The following GALNT14 variants were observed in gnomAD, a reference collection of about 807,000 sequenced individuals.
GALNT14 encodes UDP-GalNAc:polypeptide N-acetylgalactosaminyltransferase 14.
GALNT14 carries 60 observed loss-of-function variants against 77.5 expected under a neutral mutation model. The ratio of observed to expected loss-of-function variants is 0.77; its 90% CI spans 0.63 to 0.96. The LOEUF (loss-of-function observed/expected upper bound fraction) is 0.96, where lower values mean the gene tolerates loss of function less well. Among genes scored for constraint, GALNT14 ranks in the 40% least tolerant of loss-of-function variants. The pLI, the probability that GALNT14 is intolerant of heterozygous loss-of-function variation, is 0.00. For synonymous variants in GALNT14, 280 were observed against 281.7 expected (o/e 0.99, Z 0.06); for missense variants, 710 against 731.0 (o/e 0.97, Z 0.33).
chr2:30,980,855 G>A (rs1394452844), intron 2 of GALNT14, among the ~76,000 whole-genome samples: 2 of 152,242 alleles, frequency 1.3e-5, no homozygotes, highest in Non-Finnish European at 2.9e-5. Flanking sequence ...GCCAAGGCAG[G>A]TGGATCACCT....
At chr2:31,029,086 G>A (rs879533635) in intron 1 of GALNT14, among the ~76,000 whole-genome samples, 11 of 152,112 alleles carry the variant, frequency 7.2e-5, no homozygotes, top group East Asian at 1.9e-4. Context: ...GAACTCTAAC[G>A]CGTGCAGAGG....
chr2:31,083,012 A>C (rs1676232104), intron 1 of GALNT14, among the ~76,000 whole-genome samples: 1 of 152,170 alleles, frequency 6.6e-6, no homozygotes, highest in Admixed American at 6.5e-5. Context: ...GTATGACTCC[A>C]TCTCAAAAAA....
At chr2:31,049,381 G>A (rs917947960) in intron 1 of GALNT14, among the ~76,000 whole-genome samples, 3 of 152,316 alleles carry the variant, frequency 2.0e-5, no homozygotes, top group Non-Finnish European at 4.4e-5. Flanking sequence ...CCAGTGTTCA[G>A]GGCTCCTGAA....
chr2:31,081,405 C>T (rs533498595), intron 1 of GALNT14, among the ~76,000 whole-genome samples: 1 of 152,310 alleles, frequency 6.6e-6, no homozygotes, highest in East Asian at 1.9e-4. Flanking sequence ...AGTTGAAAAG[C>T]TTACCTTTCT....
At chr2:31,043,297 T>G (rs1419911410) in intron 1 of GALNT14, among the ~76,000 whole-genome samples, 1 of 152,252 alleles carries the variant, frequency 6.6e-6, no homozygotes, top group African/African-American at 2.4e-5. Context: ...TTTTTCTTTC[T>G]TACTTAGCAT....
At chr2:31,065,442 A>G (rs1270017265) in intron 1 of GALNT14, 2 of 152,210 alleles carry the variant, frequency 1.3e-5, no homozygotes, top group Non-Finnish European at 2.9e-5. Context: ...ACCTTTCAGG[A>G]AAGTGGTAAG....
At position 31,103,631 on chromosome 2, in the gene GALNT14, T is replaced by C. The variant is rs138193314; in HGVS notation, c.129+34327A>G. The stretch of plus-strand genomic sequence containing the variant: ...CATTTATTAAGTATAATTATGCTTA[T>C]ATTACTTCATTTGTCAGCTCTCAAT... On this transcript the variant is annotated intron_variant, in intron 1 of 14. Coordinates refer to ENST00000349752, the MANE Select transcript of GALNT14 (RefSeq NM_024572.4). Among the ~76,000 whole-genome samples the C allele has an allele frequency of 2.6e-3, 396 of 152,318 alleles. 1 individual carries two copies. Among genetic ancestry groups the C allele is most frequent in the Middle Eastern group, 0.024 (7 of 294 alleles).
rs869234873 is a variant in GALNT14, at chr2:30,989,581, TAAAA to T, written c.299+3253_299+3256del. ...TACCTTATATATATATATATATATA[TAAAA>T]ATATATATATTAGTAGATATATAAA... is the stretch of plus-strand genomic sequence containing the variant. On this transcript the variant is annotated intron_variant, in intron 2 of 14. Coordinates refer to ENST00000349752, the MANE Select transcript of GALNT14 (RefSeq NM_024572.4). 4.1e-3 allele frequency among the ~76,000 whole-genome samples: 439 copies of T among 106,474 alleles called. 2 individuals carry two copies. Among genetic ancestry groups the T allele is most frequent in the South Asian group, 5.3e-3 (20 of 3,774 alleles). The allele number at this position is 106,474 out of a possible 152,430, so 69.9% of individuals were successfully genotyped here. A position where few individuals can be genotyped will look rare whatever the true frequency, so the allele number is the denominator to read the frequency against.
chr2:31,092,943 T>C (rs938798696), intron 1 of GALNT14, among the ~76,000 whole-genome samples: 10 of 152,198 alleles, frequency 6.6e-5, no homozygotes, highest in African/African-American at 7.2e-5. Flanking sequence ...CCTCCTTAAC[T>C]ACACCATGAA....
At chr2:30,991,591 C>T (rs1669706764) in intron 2 of GALNT14, among the ~76,000 whole-genome samples, 1 of 152,080 alleles carries the variant, frequency 6.6e-6, no homozygotes, top group African/African-American at 2.4e-5. Flanking sequence ...CTCATGGGTC[C>T]CTCGAGGGGA....
intron 13 of GALNT14, among the ~76,000 whole-genome samples, chr2:30,920,776 C>T (rs570070846): frequency 2.0e-5 from 3 of 152,266 alleles, no homozygotes; most frequent in South Asian, 2.1e-4. Context: ...CAAGTCGTGC[C>T]GTAGGCCCTG....
chr2:31,031,114 G>A (rs1398781127), intron 1 of GALNT14, among the ~76,000 whole-genome samples: 1 of 152,124 alleles, frequency 6.6e-6, no homozygotes, highest in Non-Finnish European at 1.5e-5. Context: ...AGATAATTTA[G>A]TGTCATAACC....
In GALNT14 at chr2:31,040,364, C is replaced by A. The variant is rs10189436; in HGVS notation, c.130-47357G>T. Among the ~76,000 whole-genome samples the A allele has an allele frequency of 5.1e-3, 777 of 152,266 alleles. 8 individuals are homozygous for A. Among genetic ancestry groups the A allele is most frequent in the African/African-American group, 0.017 (716 of 41,542 alleles). On this transcript the variant is annotated intron_variant, in intron 1 of 14. Coordinates refer to ENST00000349752, the MANE Select transcript of GALNT14 (RefSeq NM_024572.4). ...CTTGTCTGGCTAAAGGCAGAAGCTG[C>A]TGGATGCTAAAAGACAGCCTCATCC...
At position 30,980,810 on chromosome 2, in the gene GALNT14, G is replaced by A. The variant is rs567713845; in HGVS notation, c.299+12028C>T. Reference sequence around the variant, plus strand: ...GAAATACAAGGCATGGGCCGAGCGCGGTGGCTCACGCCTGTAATCCCAGCA... The same window carrying A: ...GAAATACAAGGCATGGGCCGAGCGCAGTGGCTCACGCCTGTAATCCCAGCA... On this transcript the variant is annotated intron_variant, in intron 2 of 14. Coordinates refer to ENST00000349752, the MANE Select transcript of GALNT14 (RefSeq NM_024572.4). Among the ~76,000 whole-genome samples the A allele has an allele frequency of 6.6e-5, 10 of 152,340 alleles. No homozygotes were observed. In the East Asian group the frequency reaches 9.7e-4, roughly 15 times the overall value.
chr2:31,077,670 A>T (rs985534046), intron 1 of GALNT14, among the ~76,000 whole-genome samples: 5 of 152,234 alleles, frequency 3.3e-5, no homozygotes, highest in Non-Finnish European at 7.3e-5. Context: ...CCCCTTTCGG[A>T]ATCCCCAGAA....
intron 6 of GALNT14, among the ~76,000 whole-genome samples, chr2:30,954,970 A>G (rs1336596967): frequency 1.3e-5 from 2 of 152,250 alleles, no homozygotes; most frequent in East Asian, 1.9e-4. Context: ...GCCATCTGCA[A>G]TTGCCACACA....
chr2:30,916,567 A>T (rs187768679), intron 13 of GALNT14, among the ~76,000 whole-genome samples: 327 of 152,294 alleles, frequency 2.1e-3, no homozygotes, highest in African/African-American at 6.5e-3. Flanking sequence ...ACTGGGTCAG[A>T]CAGCCTTAAA....
At chr2:31,070,971 G>A (rs774498230) in intron 1 of GALNT14, among the ~76,000 whole-genome samples, 20 of 152,092 alleles carry the variant, frequency 1.3e-4, no homozygotes, top group African/African-American at 1.7e-4. Context: ...TAGATTACAC[G>A]GGATCATTCT....
intron 2 of GALNT14, among the ~76,000 whole-genome samples, chr2:30,979,300 A>T (rs901111058): frequency 6.6e-6 from 1 of 152,152 alleles, no homozygotes; most frequent in African/African-American, 2.4e-5. Flanking sequence ...GTGGGGGGAG[A>T]GCAGGATGAT....
Sources: gnomAD v4.1 joint callset for allele counts (sites outside exome capture counted in the v4.1 genomes callset) on GRCh38, gnomAD v4.1.1 for gene constraint, MANE v1.5 for transcripts, NCBI Gene and HGNC (gene_info 2026-07-23, HGNC 2026-07-21) for gene names.